Variants in SUOX observed in about 807,000 individuals in gnomAD.
SUOX encodes the protein sulfite oxidase, mitochondrial.
Under a neutral mutation model 41.9 loss-of-function variants are expected in SUOX, and 39 were observed. The observed-to-expected ratio is 0.93, with a 90% CI of 0.72 to 1.21. The LOEUF (loss-of-function observed/expected upper bound fraction) is 1.21, where lower values mean the gene tolerates loss of function less well. Ranked by LOEUF, SUOX falls within the 50% of genes most tolerant of loss-of-function variation. SUOX has a pLI of 0.00. For synonymous variants in SUOX, 220 were observed against 268.4 expected (o/e 0.82, Z 1.76); for missense variants, 633 against 689.5 (o/e 0.92, Z 0.92).
At position 55,997,288 on chromosome 12, in the gene SUOX, G is replaced by A. The variant is rs1225745267; in HGVS notation, c.-171G>A. On this transcript the variant is annotated 5_prime_UTR_variant, in exon 1 of 5. Coordinates refer to ENST00000266971, the MANE Select transcript of SUOX (RefSeq NM_001032386.2). ...CGGCGCTGGCCCCGCCCCTTCTCGA[G>A]AACTCGCAGAGCTGGGCTGGTAAAA... is the stretch of plus-strand genomic sequence containing the variant. The A allele has an allele frequency of 6.6e-6, 1 of 152,324 alleles. No homozygotes were observed. Among genetic ancestry groups the A allele is most frequent in the East Asian group, 1.9e-4 (1 of 5,198 alleles). The allele number at this position is 152,324 out of a possible 1,614,324, so 9.4% of individuals were successfully genotyped here.
intron 4 of SUOX, 96 bp downstream of exon 4, chr12:56,002,816 C>T (rs1463130199): frequency 3.4e-6 from 5 of 1,486,496 alleles, no homozygotes; most frequent in East Asian, 2.3e-5. Flanking sequence ...GGGTGGGTCA[C>T]TTGAGGTTAG....
At chr12:56,002,780 A>T (rs1329260809) in intron 4 of SUOX, 60 bp downstream of exon 4, 2 of 1,604,220 alleles carry the variant, frequency 1.2e-6, no homozygotes, top group East Asian at 2.2e-5. Flanking sequence ...CACGCCTGTT[A>T]TCCCAGCACT....
intron 2 of SUOX, among the ~76,000 whole-genome samples, chr12:56,000,215 G>C (rs949133009): frequency 1.3e-5 from 2 of 152,250 alleles, no homozygotes; most frequent in Non-Finnish European, 2.9e-5. Flanking sequence ...TCCTCGGGGA[G>C]GCTTAGGCCC....
Position 56,004,667 on chromosome 12 carries a change from G to C in SUOX, c.1278G>C (p.Gln426His), listed in dbSNP as rs376204747. ...SAPSIQELPVQSAITEPRDGE... is the reference protein window; with the variant it reads ...SAPSIQELPVHSAITEPRDGE... Reference sequence around the variant, plus strand: ...CATCCATTCAGGAACTTCCTGTCCAGTCGGCCATCACAGAGCCCCGGGATG... The same window carrying C: ...CATCCATTCAGGAACTTCCTGTCCACTCGGCCATCACAGAGCCCCGGGATG... The change falls in exon 5 of 5, where the codon CAG becomes CAC. Residue 426 changes from glutamine to histidine, a missense_variant. Physicochemically the swap from Gln to His is conservative, Grantham distance 24. Transcript: ENST00000266971. This position sits in a 1 kb window ranked among gnomAD's most constrained non-coding sequence, Gnocchi z 4.5. 2.5e-6 allele frequency: 4 copies of C among 1,613,920 alleles called. No homozygotes were observed. The highest frequency in any genetic ancestry group is 3.4e-6 in the Non-Finnish European group (4 of 1,179,796).
At position 55,999,395 on chromosome 12, in the gene SUOX, T is replaced by A. The variant is rs886049681; in HGVS notation, c.-11+1672T>A. On this transcript the variant is annotated intron_variant, in intron 2 of 4. Coordinates refer to ENST00000266971, the MANE Select transcript of SUOX (RefSeq NM_001032386.2). The stretch of plus-strand genomic sequence containing the variant: ...CTGTGTAGGTCTCCCAAAGTGCTAG[T>A]GTGTCCGGAATTGGTGGGTTCTTGG... 8 of 156,624 alleles carry A rather than the reference T, an allele frequency of 5.1e-5. No individual in the cohort carries two copies. Among genetic ancestry groups the A allele is most frequent in the Non-Finnish European group, 1.0e-4 (8 of 76,966 alleles). The allele number at this position is 156,624 out of a possible 1,614,324, so 9.7% of individuals were successfully genotyped here.
At chr12:55,998,864 TC>T (rs1472097643) in intron 2 of SUOX, among the ~76,000 whole-genome samples, 2 of 151,432 alleles carry the variant, frequency 1.3e-5, no homozygotes, top group Non-Finnish European at 2.9e-5. Context: ...GGTGGCGCCA[TC>T]ATAATTCATT....
At chr12:56,001,564 G>A (rs960237249) in intron 2 of SUOX, 1 of 156,050 alleles carries the variant, frequency 6.4e-6, no homozygotes, top group African/African-American at 2.4e-5. Context: ...CATATCCCCA[G>A]TGGATAAGGG....
At chr12:56,003,047 A>G (rs554180032) in intron 4 of SUOX, 18 of 322,998 alleles carry the variant, frequency 5.6e-5, no homozygotes, top group African/African-American at 3.4e-4. Context: ...AAAAAAAAAA[A>G]ATTGTCAGAA....
At chr12:56,001,383 C>T (rs1392258559) in intron 2 of SUOX, 1 of 151,862 alleles carries the variant, frequency 6.6e-6, no homozygotes, top group African/African-American at 2.4e-5. Context: ...CTCAGCCTCC[C>T]AAAGTGCTGG....
Position 56,004,120 on chromosome 12 carries a change from CTCTTT to C in SUOX, c.732_736del (p.Leu245ProfsTer3). The stretch of plus-strand genomic sequence containing the variant: ...GGAGCACCTGGGGGTCAGTCACTGT[CTCTTT>C]CCCTGGATGACTTGCACAACTTTCC... On this transcript the variant is annotated frameshift_variant, in exon 5 of 5. Transcript: ENST00000266971. LOFTEE classifies it high-confidence loss of function. The surrounding 1 kb of genome is among the most constrained non-coding windows in gnomAD (Gnocchi z 4.5). 1 of 1,614,258 alleles carries C rather than the reference CTCTTT, an allele frequency of 6.2e-7. No homozygotes were observed. Among genetic ancestry groups the C allele is most frequent in the Non-Finnish European group, 8.5e-7 (1 of 1,180,050 alleles).
chr12:56,003,930 G>A lies in SUOX; in HGVS notation c.541G>A (p.Val181Ile), dbSNP rs1350131784. The change falls in exon 5 of 5, where the codon GTA (valine) becomes ATA (isoleucine). Residue 181 changes from valine (V) to isoleucine (I), a missense_variant. Val to Ile is a conservative substitution (Grantham distance 29). Coordinates refer to ENST00000266971, the MANE Select transcript of SUOX (RefSeq NM_001032386.2). The stretch of plus-strand genomic sequence containing the variant: ...CTCTGACCCTTATGCTGATGATCCT[G>A]TACGTCACCCAGCCCTGAAGGTCAA... ...ETSDPYADDP[V>I]RHPALKVNSQ... The A allele has an allele frequency of 1.2e-6, 2 of 1,613,966 alleles. No homozygotes were observed. The highest frequency in any genetic ancestry group is 1.7e-6 in the Non-Finnish European group (2 of 1,180,028).
intron 3 of SUOX, 108 bp from the exon 4 acceptor site, chr12:56,002,413 CCTATCCCTGGAGAAACTAAGTT>C (rs1381326220): frequency 6.7e-7 from 1 of 1,500,796 alleles, no homozygotes; most frequent in Non-Finnish European, 9.2e-7. Flanking sequence ...ACTTTTCCCA[CCTATCCCTGGAGAAACTAAGTT>C]CCAACTTAAG....
At position 56,002,066 on chromosome 12, in the gene SUOX, T is replaced by G. The variant is rs547905385; in HGVS notation, c.-10-146T>G. ...TCCAAGTTTTCTCTAAGGGCCCATTTGGACTCCCACTCTCAAGACTCCTCA... is the reference window on the plus strand; with the variant it reads ...TCCAAGTTTTCTCTAAGGGCCCATTGGGACTCCCACTCTCAAGACTCCTCA... On this transcript the variant is annotated intron_variant, in intron 2 of 4. Coordinates refer to ENST00000266971, the MANE Select transcript of SUOX (RefSeq NM_001032386.2). 26 of 1,476,662 alleles carry G rather than the reference T, an allele frequency of 1.8e-5. No individual in the cohort carries two copies. In the Admixed American group the frequency reaches 5.1e-4, roughly 29 times the overall value. 91.5% of individuals were successfully genotyped at this position (1,476,662 alleles called of 1,614,324 possible). A position where few individuals can be genotyped will look rare whatever the true frequency, so the allele number is the denominator to read the frequency against.
chr12:56,004,896 G>A lies in SUOX; in HGVS notation c.1507G>A (p.Glu503Lys), dbSNP rs1890687964. ...AGCCCCTGTGCCAGCTGGACAAAAGGAACTGAACATTGTTTGTAAGGCTGT... is the reference window on the plus strand; with the variant it reads ...AGCCCCTGTGCCAGCTGGACAAAAGAAACTGAACATTGTTTGTAAGGCTGT... Reference protein sequence around the residue: ...LKAPVPAGQKELNIVCKAVDD... With the variant: ...LKAPVPAGQKKLNIVCKAVDD... The change falls in exon 5 of 5, where the codon GAA becomes AAA. Residue 503 changes from glutamate to lysine, a missense_variant. By Grantham distance (56) the Glu-to-Lys change is moderately conservative (BLOSUM62 1). Coordinates refer to ENST00000266971, the MANE Select transcript of SUOX (RefSeq NM_001032386.2). The surrounding 1 kb of genome is among the most constrained non-coding windows in gnomAD (Gnocchi z 4.5). 1 of 1,614,138 alleles carries A rather than the reference G, an allele frequency of 6.2e-7. No individual in the cohort carries two copies. Among genetic ancestry groups the A allele is most frequent in the Non-Finnish European group, 8.5e-7 (1 of 1,180,016 alleles).
Position 56,005,360 on chromosome 12 carries a change from C to G in SUOX, c.*333C>G, listed in dbSNP as rs1410680171. ...GCCATCAAGGCCTTGTTTTGCTTTT[C>G]TTTTTGGATTGTTCAGAGAAATGTG... On this transcript the variant is annotated 3_prime_UTR_variant, in exon 5 of 5. Coordinates refer to ENST00000266971, the MANE Select transcript of SUOX (RefSeq NM_001032386.2). The G allele has an allele frequency of 1.7e-6, 1 of 586,212 alleles. No homozygotes were observed. The highest frequency in any genetic ancestry group is 1.9e-5 in the African/African-American group (1 of 53,744). The allele number at this position is 586,212 out of a possible 1,614,324, so 36.3% of individuals were successfully genotyped here.
intron 4 of SUOX, chr12:56,003,100 G>A (rs1019647394): frequency 3.3e-6 from 1 of 300,130 alleles, no homozygotes. Flanking sequence ...AACCCAGGCT[G>A]TGACCCATGT....
rs767216746 is a variant in SUOX, at chr12:56,004,096, G to A, written c.707G>A (p.Gly236Glu). The change falls in exon 5 of 5, where the codon GGA becomes GAA. Residue 236 changes from glycine (G) to glutamate (E), a missense_variant. Physicochemically the swap from Gly to Glu is moderately conservative, Grantham distance 98. Transcript: ENST00000266971. This position sits in a 1 kb window ranked among gnomAD's most constrained non-coding sequence, Gnocchi z 4.5. ...GACACCTATCGCTTACACGTAGTAG[G>A]AGCACCTGGGGGTCAGTCACTGTCT... ...DPDTYRLHVV[G>E]APGGQSLSLS... 1.4e-5 allele frequency: 22 copies of A among 1,613,888 alleles called. No homozygotes were observed. Among genetic ancestry groups the A allele is most frequent in the South Asian group, 4.4e-5 (4 of 91,068 alleles).
intron 4 of SUOX, 42 bp downstream of exon 4, chr12:56,002,762 C>T: frequency 6.2e-7 from 1 of 1,610,800 alleles, no homozygotes; most frequent in Non-Finnish European, 8.5e-7. Context: ...AGACTGGGTG[C>T]AGTGGCTCAC....
intron 4 of SUOX, among the ~76,000 whole-genome samples, 174 bp from the exon 5 acceptor site, chr12:56,003,444 A>C (rs1428145711): frequency 1.3e-5 from 2 of 152,014 alleles, no homozygotes; most frequent in Non-Finnish European, 2.9e-5. Flanking sequence ...TATTTTTAGT[A>C]GAGACAGGGC....
Sources: allele counts gnomAD v4.1 joint callset (sites outside exome capture counted in the v4.1 genomes callset), GRCh38; gene constraint gnomAD v4.1.1; non-coding constraint Gnocchi (gnomAD v3.1); transcripts MANE v1.5; gene names NCBI Gene and HGNC (gene_info 2026-07-23, HGNC 2026-07-21).